Variants in VPS26B observed in about 807,000 individuals in gnomAD.
VPS26B encodes the protein VPS26 retromer complex component B, also known as vacuolar protein sorting-associated protein 26B.
VPS26B carries 10 observed loss-of-function variants against 33.3 expected under a neutral mutation model. The observed-to-expected ratio is 0.30, with a 90% CI of 0.19 to 0.51. The LOEUF (loss-of-function observed/expected upper bound fraction) is 0.51. Among genes scored for constraint, VPS26B ranks in the 20% least tolerant of loss-of-function variants. The pLI is 0.98. For synonymous variants in VPS26B, 190 were observed against 176.9 expected, an observed-to-expected ratio of 1.07 and a Z score of -0.59; for missense variants, 317 against 452.7, an observed-to-expected ratio of 0.70 and a Z score of 2.72.
chr11:134,242,716 T>G (rs1263270050), intron 3 of VPS26B, among the ~76,000 whole-genome samples: 2 of 152,226 alleles, frequency 1.3e-5, no homozygotes, highest in Admixed American at 1.3e-4. Context: ...CCAGGTCCAG[T>G]TCTCTAAAGA....
At chr11:134,225,432 C>A (rs755011550) in intron 1 of VPS26B, 87 bp downstream of exon 1, 2 of 1,348,422 alleles carry the variant, frequency 1.5e-6, no homozygotes, top group East Asian at 4.9e-5. Flanking sequence ...TCCGGCGAGG[C>A]CTGTCACAGT....
rs1222621690 is a variant in VPS26B, at chr11:134,224,969, C to T, written c.-154C>T. ...CCCCGTGGAGCCGGCTGTCCGTCGG[C>T]GCCCACTGCCCGGCGGCAGCGGCGG... On this transcript the variant is annotated 5_prime_UTR_variant, in exon 1 of 6. Coordinates refer to ENST00000281187, the MANE Select transcript of VPS26B (RefSeq NM_052875.5). The T allele has an allele frequency of 1.6e-5, 8 of 494,630 alleles. No individual in the cohort carries two copies. Among genetic ancestry groups the T allele is most frequent in the Non-Finnish European group, 2.1e-5 (7 of 335,998 alleles). 30.6% of individuals were successfully genotyped at this position (494,630 alleles called of 1,614,324 possible).
At chr11:134,231,587 C>T (rs1275312313) in intron 1 of VPS26B, among the ~76,000 whole-genome samples, 16 of 149,314 alleles carry the variant, frequency 1.1e-4, no homozygotes, top group Admixed American at 8.0e-4. Flanking sequence ...TTTTTTGAGA[C>T]GGAGTCTTGC....
intron 1 of VPS26B, among the ~76,000 whole-genome samples, chr11:134,231,225 A>AT (rs57671452): frequency 0.061 from 8,795 of 144,514 alleles, 297 homozygotes; most frequent in African/African-American, 0.095. Flanking sequence ...CATTATCTGG[A>AT]TTTTTTTTTT....
intron 2 of VPS26B, among the ~76,000 whole-genome samples, chr11:134,237,186 T>A (rs920667158): frequency 6.6e-6 from 1 of 152,184 alleles, no homozygotes; most frequent in Non-Finnish European, 1.5e-5. Flanking sequence ...AGAGAAAAGG[T>A]TATTTTGGAA....
chr11:134,242,152 C>T (rs1198112312), intron 3 of VPS26B, among the ~76,000 whole-genome samples: 2 of 152,132 alleles, frequency 1.3e-5, no homozygotes, highest in African/African-American at 4.8e-5. Flanking sequence ...TCTAAGCATC[C>T]CCTGTAAGAT....
chr11:134,243,485 C>T (rs1028732048), intron 4 of VPS26B, 191 bp downstream of exon 4: 26 of 643,968 alleles, frequency 4.0e-5, no homozygotes, highest in Middle Eastern at 8.5e-4. Context: ...GAACTTGAGG[C>T]TACTATCCCA....
In VPS26B at chr11:134,240,426, A is replaced by G. The variant is rs1938699364; in HGVS notation, c.545+271A>G. On this transcript the variant is annotated intron_variant, in intron 3 of 5. Coordinates refer to ENST00000281187, the MANE Select transcript of VPS26B (RefSeq NM_052875.5). The surrounding 1 kb of genome is among the most constrained non-coding windows in gnomAD (Gnocchi z 4.4). ...AACATCCTATGATGCCTCTCAGTCAAGCTAAACTAACTTGAGGTTATTTGT... is the reference window on the plus strand; with the variant it reads ...AACATCCTATGATGCCTCTCAGTCAGGCTAAACTAACTTGAGGTTATTTGT... Among the ~76,000 whole-genome samples the G allele has an allele frequency of 6.6e-6, 1 of 152,212 alleles. No individual in the cohort carries two copies. The highest frequency in any genetic ancestry group is 2.4e-5 in the African/African-American group (1 of 41,438).
At chr11:134,237,780 G>A (rs1321905136) in intron 2 of VPS26B, among the ~76,000 whole-genome samples, 3 of 152,152 alleles carry the variant, frequency 2.0e-5, no homozygotes, top group Admixed American at 6.5e-5. Flanking sequence ...TACTGACCTC[G>A]AGGCGAGCGG....
Position 134,245,554 on chromosome 11 carries a change from C to A in VPS26B, c.975C>A (p.Thr325=). ...EGTTSLGEVR[T]PSQLSDNNCR... ...CCACCTCCCTGGGTGAGGTGCGGACCCCCAGCCAGCTGTCTGACAACAACT... is the reference window on the plus strand; with the variant it reads ...CCACCTCCCTGGGTGAGGTGCGGACACCCAGCCAGCTGTCTGACAACAACT... The change falls in exon 6 of 6, where the codon ACC becomes ACA. Residue 325 remains threonine, a synonymous_variant. Coordinates refer to ENST00000281187, the MANE Select transcript of VPS26B (RefSeq NM_052875.5). This position sits in a 1 kb window ranked among gnomAD's most constrained non-coding sequence, Gnocchi z 4.7. 2 of 1,612,862 alleles carry A rather than the reference C, an allele frequency of 1.2e-6. No homozygotes were observed. The highest frequency in any genetic ancestry group is 8.5e-7 in the Non-Finnish European group (1 of 1,179,922).
rs539466079 is a variant in VPS26B at position 134,240,571 on chromosome 11, T to C, written c.545+416T>C. 6.6e-6 allele frequency among the ~76,000 whole-genome samples: 1 copy of C among 152,314 alleles called. No homozygotes were observed. Among genetic ancestry groups the C allele is most frequent in the African/African-American group, 2.4e-5 (1 of 41,558 alleles). On this transcript the variant is annotated intron_variant, in intron 3 of 5. Coordinates refer to ENST00000281187, the MANE Select transcript of VPS26B (RefSeq NM_052875.5). This position sits in a 1 kb window ranked among gnomAD's most constrained non-coding sequence, Gnocchi z 4.4. ...GAAATCAAAGCGACGAAACCAAATA[T>C]TGGCCATGATTTGCTGCTTCCTCCC...
In VPS26B at chr11:134,246,853, C is replaced by T. The variant is rs1938836897; in HGVS notation, c.*1263C>T. 1 of 152,074 alleles carries T rather than the reference C, an allele frequency of 6.6e-6. No individual in the cohort carries two copies. The highest frequency in any genetic ancestry group is 2.1e-4 in the South Asian group (1 of 4,824). The allele number at this position is 152,074 out of a possible 1,614,324, so 9.4% of individuals were successfully genotyped here. ...TATGGTAGTAAAGTTGTTTACTGTC[C>T]TTTTTCTGCTTCCCCTGGAAATGAC... On this transcript the variant is annotated 3_prime_UTR_variant, in exon 6 of 6. Transcript: ENST00000281187.
In VPS26B at chr11:134,245,979, C is replaced by T. The variant is rs367596935; in HGVS notation, c.*389C>T. The stretch of plus-strand genomic sequence containing the variant: ...GCATGTCCCTGGGATTCTGAGCTGC[C>T]AACAGGGCCCTGGGTAGTCACATCT... On this transcript the variant is annotated 3_prime_UTR_variant, in exon 6 of 6. Coordinates refer to ENST00000281187, the MANE Select transcript of VPS26B (RefSeq NM_052875.5). The surrounding 1 kb of genome is among the most constrained non-coding windows in gnomAD (Gnocchi z 4.7). 1.6e-5 allele frequency: 3 copies of T among 189,534 alleles called. No homozygotes were observed. Among genetic ancestry groups the T allele is most frequent in the African/African-American group, 6.9e-5 (3 of 43,286 alleles). 11.7% of individuals were successfully genotyped at this position (189,534 alleles called of 1,614,324 possible).
intron 1 of VPS26B, among the ~76,000 whole-genome samples, chr11:134,232,009 G>A (rs522134): frequency 0.56 from 85,195 of 152,194 alleles, 26,708 homozygotes; most frequent in South Asian, 0.74. Context: ...TTTCCTTCCA[G>A]AATGGCAAAT....
intron 3 of VPS26B, among the ~76,000 whole-genome samples, chr11:134,242,478 A>C (rs77257822): frequency 0.011 from 1,658 of 152,354 alleles, 26 homozygotes; most frequent in African/African-American, 0.038. Flanking sequence ...TCGTTCTCTC[A>C]TGCCTGATAC....
In VPS26B at chr11:134,240,267, T is replaced by C; in HGVS notation, c.545+112T>C. ...GTGACTCGACTGCTTTGTGGTGGCA[T>C]GCGGTGGGGGAAGACCGTGGGAGCA... On this transcript the variant is annotated intron_variant, in intron 3 of 5. Transcript: ENST00000281187. This position sits in a 1 kb window ranked among gnomAD's most constrained non-coding sequence, Gnocchi z 4.4. The C allele has an allele frequency of 2.4e-6, 3 of 1,271,306 alleles. No homozygotes were observed. The East Asian group carries it at 7.1e-5, about 30-fold the overall frequency. 78.8% of individuals were successfully genotyped at this position (1,271,306 alleles called of 1,614,324 possible).
intron 2 of VPS26B, among the ~76,000 whole-genome samples, chr11:134,239,307 C>G (rs917038432): frequency 1.3e-5 from 2 of 152,184 alleles, no homozygotes; most frequent in African/African-American, 4.8e-5. Context: ...CGCAGCATCT[C>G]AATTAGCCCT....
rs1210958441 is a variant in VPS26B at position 134,225,000 on chromosome 11, G to A, written c.-123G>A. 7 of 867,568 alleles carry A rather than the reference G, an allele frequency of 8.1e-6. No individual in the cohort carries two copies. The highest frequency in any genetic ancestry group is 3.5e-5 in the South Asian group (1 of 28,738). 53.7% of individuals were successfully genotyped at this position (867,568 alleles called of 1,614,324 possible). ...CTGCCCGGCGGCAGCGGCGGAGCCA[G>A]GCAGCCCCGCGGCGGCCGAGCGCGC... On this transcript the variant is annotated 5_prime_UTR_variant, in exon 1 of 6. Transcript: ENST00000281187.
In VPS26B at chr11:134,245,343, TC is replaced by T; in HGVS notation, c.865-99del. On this transcript the variant is annotated intron_variant, in intron 5 of 5. Coordinates refer to ENST00000281187, the MANE Select transcript of VPS26B (RefSeq NM_052875.5). This position sits in a 1 kb window ranked among gnomAD's most constrained non-coding sequence, Gnocchi z 4.7. ...TTTGGTGAGAGAGAAGCAGAGGAGGTCCTTGCCCGAGATTCCCCACGTCAAA... is the reference window on the plus strand; with the variant it reads ...TTTGGTGAGAGAGAAGCAGAGGAGGTCTTGCCCGAGATTCCCCACGTCAAA... 6.5e-7 allele frequency: 1 copy of T among 1,527,838 alleles called. No homozygotes were observed. The highest frequency in any genetic ancestry group is 8.9e-7 in the Non-Finnish European group (1 of 1,123,198). The allele number at this position is 1,527,838 out of a possible 1,614,324, so 94.6% of individuals were successfully genotyped here.
Sources: gnomAD v4.1 joint callset for allele counts (sites outside exome capture counted in the v4.1 genomes callset) on GRCh38, gnomAD v4.1.1 for gene constraint, Gnocchi (gnomAD v3.1) non-coding constraint, MANE v1.5 for transcripts, NCBI Gene and HGNC (gene_info 2026-07-23, HGNC 2026-07-21) for gene names.